BEST3: variants seen among roughly 807,000 people sequenced by gnomAD.
BEST3 encodes the protein bestrophin-3.
In BEST3, 50 loss-of-function variants were observed where a neutral mutation model predicts 47.1. The ratio of observed to expected loss-of-function variants is 1.06; its 90% CI spans 0.85 to 1.34. The LOEUF (loss-of-function observed/expected upper bound fraction) is 1.34, where lower values mean the gene tolerates loss of function less well. Ranked by LOEUF, BEST3 falls within the 40% of genes most tolerant of loss-of-function variation. BEST3 has a pLI of 0.00. For missense variants in BEST3, 765 were observed against 817.0 expected (o/e 0.94, Z 0.78); for synonymous variants, 282 against 298.8 (o/e 0.94, Z 0.58).
chr12:69,663,523 T>C (rs1391104982), intron 9 of BEST3, among the ~76,000 whole-genome samples: 1 of 152,212 alleles, frequency 6.6e-6, no homozygotes, highest in African/African-American at 2.4e-5. Flanking sequence ...AATGAAAAGA[T>C]GCCTTAATTA....
At chr12:69,645,335 C>T (rs952845662) in intron 9 of BEST3, among the ~76,000 whole-genome samples, 1 of 152,132 alleles carries the variant, frequency 6.6e-6, no homozygotes, top group African/African-American at 2.4e-5. Context: ...GTTTCCTTAC[C>T]TATAAAATGG....
In BEST3 at chr12:69,643,895, C is replaced by A. The variant is rs1209725280; in HGVS notation, c.1101-108G>T. On this transcript the variant is annotated intron_variant, in intron 9 of 9. Transcript: ENST00000331471. Reference sequence around the variant, plus strand: ...AGTTGAATTCACATAGGCCACCACACATTTAATGTAATTTCAGTGTTCTGA... The same window carrying A: ...AGTTGAATTCACATAGGCCACCACAAATTTAATGTAATTTCAGTGTTCTGA... 3 of 518,928 alleles carry A rather than the reference C, an allele frequency of 5.8e-6. No homozygotes were observed. The East Asian group carries it at 9.6e-5, about 17-fold the overall frequency. The allele number at this position is 518,928 out of a possible 1,614,324, so 32.1% of individuals were successfully genotyped here.
At position 69,697,731 on chromosome 12, in the gene BEST3, T is replaced by C. The variant is rs372270071; in HGVS notation, c.68A>G (p.Lys23Arg). The change falls in exon 2 of 10, where the codon AAG (lysine) becomes AGG (arginine). Residue 23 changes from lysine to arginine, a missense_variant. Lys to Arg is a conservative substitution (Grantham distance 26). Coordinates refer to ENST00000330891, the MANE Select transcript of BEST3 (RefSeq NM_032735.3). ...TFFGFHRLLL[K>R]WRGSIYKLLY... Reference sequence around the variant, plus strand: ...TAGTTTGTAGATGCTGCCTCTCCACTTGAGGAGTAACCTATGAAATCCAAA... The same window carrying C: ...TAGTTTGTAGATGCTGCCTCTCCACCTGAGGAGTAACCTATGAAATCCAAA... The C allele has an allele frequency of 3.3e-5, 53 of 1,613,320 alleles. No individual in the cohort carries two copies. In the African/African-American group the frequency reaches 6.0e-4, roughly 18 times the overall value.
intron 4 of BEST3, among the ~76,000 whole-genome samples, chr12:69,682,976 T>C (rs372058804): frequency 2.8e-4 from 42 of 152,340 alleles, no homozygotes; most frequent in African/African-American, 9.1e-4. Context: ...TCCATATCAA[T>C]TGTCTAACAG....
At chr12:69,665,701 T>C (rs1884166729) in intron 9 of BEST3, among the ~76,000 whole-genome samples, 1 of 152,184 alleles carries the variant, frequency 6.6e-6, no homozygotes, top group East Asian at 1.9e-4. Context: ...AAGTCTGAAT[T>C]GAGGAGGGAA....
At chr12:69,656,364 A>AATGT (rs1187972778) in intron 9 of BEST3, among the ~76,000 whole-genome samples, 3 of 93,452 alleles carry the variant, frequency 3.2e-5, no homozygotes, top group Non-Finnish European at 6.9e-5. Context: ...TATATCTATG[A>AATGT]ATCTATCTGT....
At position 69,655,555 on chromosome 12, in the gene BEST3, G is replaced by A. The variant is rs995373595; in HGVS notation, c.1359C>T (p.Ser453=). ...PPRASPTWKK[S]CFPEGSPTLH... ...GCGTGGGGCTTCCTTCTGGGAAGCA[G>A]GATTTCTTCCAGGTGGGTGAGGCCC... Residue 453 remains serine, a synonymous_variant, in exon 10 of 10, where the codon TCC becomes TCT. Transcript: ENST00000330891. 1.9e-6 allele frequency: 3 copies of A among 1,613,948 alleles called. No homozygotes were observed. The highest frequency in any genetic ancestry group is 1.3e-5 in the African/African-American group (1 of 74,894).
At chr12:69,645,301 G>A (rs1168619452) in intron 9 of BEST3, among the ~76,000 whole-genome samples, 1 of 152,076 alleles carries the variant, frequency 6.6e-6, no homozygotes, top group Admixed American at 6.6e-5. Context: ...TCCCAGGAAC[G>A]CTAAGTTTTT....
intron 7 of BEST3, among the ~76,000 whole-genome samples, chr12:69,673,196 A>G (rs1884692149): frequency 6.6e-6 from 1 of 152,236 alleles, no homozygotes; most frequent in Admixed American, 6.5e-5. Flanking sequence ...TGTCCATTCA[A>G]CTGGTGACAA....
intron 1 of BEST3, among the ~76,000 whole-genome samples, chr12:69,698,208 C>T (rs957223657): frequency 6.6e-6 from 1 of 152,168 alleles, no homozygotes; most frequent in Non-Finnish European, 1.5e-5. Context: ...CCAAATGCAT[C>T]GTTAGCACTC....
chr12:69,646,124 G>A (rs1258950377), intron 9 of BEST3, among the ~76,000 whole-genome samples: 1 of 152,132 alleles, frequency 6.6e-6, no homozygotes, highest in African/African-American at 2.4e-5. Context: ...TTTTAGTAGA[G>A]ATGGGGTTTT....
At chr12:69,678,962 G>T in intron 4 of BEST3, 69 bp from the exon 5 acceptor site, 1 of 1,276,992 alleles carries the variant, frequency 7.8e-7, no homozygotes. Context: ...CCATATTTCA[G>T]CATCTATATA....
At chr12:69,670,946 T>G (rs1884531655) in intron 9 of BEST3, among the ~76,000 whole-genome samples, 1 of 152,158 alleles carries the variant, frequency 6.6e-6, no homozygotes, top group Non-Finnish European at 1.5e-5. Flanking sequence ...CTTAATGAAA[T>G]TATTATAGAA....
chr12:69,695,272 C>A (rs1886090464), intron 2 of BEST3, among the ~76,000 whole-genome samples: 1 of 152,142 alleles, frequency 6.6e-6, no homozygotes, highest in Non-Finnish European at 1.5e-5. Flanking sequence ...ACGAGTGTAG[C>A]TGTTCCAAAG....
In BEST3 at chr12:69,677,247, C is replaced by T. The variant is rs372783693; in HGVS notation, c.647G>A (p.Arg216Gln). The T allele has an allele frequency of 5.6e-6, 9 of 1,611,356 alleles. No homozygotes were observed. Among genetic ancestry groups the T allele is most frequent in the African/African-American group, 5.3e-5 (4 of 74,854 alleles). ...DLQSLMTEMN[R>Q]YRSWCSLLFG... ...TAAGAGGCTGCACCAAGAGCGGTAT[C>T]GATTCATTTCCTAAGCCAGAAACAG... is the stretch of plus-strand genomic sequence containing the variant. The change falls in exon 6 of 10, where the codon CGA becomes CAA. Residue 216 changes from arginine (R) to glutamine (Q), a missense_variant. Physicochemically the swap from Arg to Gln is conservative, Grantham distance 43. Coordinates refer to ENST00000330891, the MANE Select transcript of BEST3 (RefSeq NM_032735.3).
At chr12:69,688,702 A>G (rs1303666092) in intron 4 of BEST3, among the ~76,000 whole-genome samples, 1 of 152,144 alleles carries the variant, frequency 6.6e-6, no homozygotes, top group East Asian at 1.9e-4. Context: ...TCTGGCCAGC[A>G]CTGAATCTAT....
At chr12:69,694,876 T>G (rs1886074813) in intron 2 of BEST3, among the ~76,000 whole-genome samples, 1 of 152,190 alleles carries the variant, frequency 6.6e-6, no homozygotes, top group Non-Finnish European at 1.5e-5. Context: ...ATAATAACAC[T>G]GAATTTGACA....
chr12:69,646,664 A>G (rs1883046687), intron 9 of BEST3, among the ~76,000 whole-genome samples: 1 of 152,226 alleles, frequency 6.6e-6, no homozygotes, highest in Non-Finnish European at 1.5e-5. Flanking sequence ...TCAGGGGCAC[A>G]TAGCCTCTGC....
At chr12:69,681,155 ATTT>A (rs1252046512) in intron 4 of BEST3, among the ~76,000 whole-genome samples, 1 of 151,888 alleles carries the variant, frequency 6.6e-6, no homozygotes, top group Non-Finnish European at 1.5e-5. Flanking sequence ...TCTAAAACTG[ATTT>A]TTATTAGATA....
Sources: allele counts gnomAD v4.1 joint callset (sites outside exome capture counted in the v4.1 genomes callset), GRCh38; gene constraint gnomAD v4.1.1; transcripts MANE v1.5; gene names NCBI Gene and HGNC (gene_info 2026-07-23, HGNC 2026-07-21).